Variants in PARN observed in about 807,000 individuals in gnomAD.
PARN encodes the protein poly(A)-specific ribonuclease, also known as poly(A)-specific ribonuclease PARN.
A neutral mutation model predicts 102.8 loss-of-function variants in PARN; 71 were observed. The ratio of observed to expected loss-of-function variants is 0.69; its 90% CI spans 0.57 to 0.84. The LOEUF (loss-of-function observed/expected upper bound fraction) is 0.84, where lower values mean the gene tolerates loss of function less well. Among genes scored for constraint, PARN ranks in the 40% least tolerant of loss-of-function variants. The probability of loss-of-function intolerance (pLI) is 0.00; values close to 1 mark genes in which losing one functional copy is unlikely to be tolerated. For synonymous variants in PARN, 261 were observed against 252.9 expected, an observed-to-expected ratio of 1.03 and a Z score of -0.30; for missense variants, 782 against 760.9, an observed-to-expected ratio of 1.03 and a Z score of -0.33.
rs12448614 is a variant in PARN, at chr16:14,531,899, T to C, written c.1480+20122A>G. On this transcript the variant is annotated intron_variant, in intron 21 of 23. Coordinates refer to ENST00000437198, the MANE Select transcript of PARN (RefSeq NM_002582.4). Reference sequence around the variant, plus strand: ...CCAAGATAGCAAGATCCCATTTCTTTAAAAAAAAAAAAAAAAAGGCAGGCA... The same window carrying C: ...CCAAGATAGCAAGATCCCATTTCTTCAAAAAAAAAAAAAAAAAGGCAGGCA... 7.8e-3 allele frequency among the ~76,000 whole-genome samples: 850 copies of C among 108,932 alleles called. 8 individuals carry two copies. The highest frequency in any genetic ancestry group is 7.3e-3 in the Non-Finnish European group (339 of 46,722). The allele number at this position is 108,932 out of a possible 152,430, so 71.5% of individuals were successfully genotyped here.
At chr16:14,531,897 TTTA>T in intron 21 of PARN, among the ~76,000 whole-genome samples, 1 of 102,586 alleles carries the variant, frequency 9.7e-6, no homozygotes, top group Non-Finnish European at 2.5e-5. Flanking sequence ...ATCCCATTTC[TTTA>T]AAAAAAAAAA....
intron 23 of PARN, among the ~76,000 whole-genome samples, chr16:14,445,194 C>T (rs1178058507): frequency 1.3e-5 from 2 of 151,950 alleles, no homozygotes; most frequent in African/African-American, 4.8e-5. Context: ...AGTCAAGAGA[C>T]AGCTAAAACA....
At chr16:14,580,384 T>C (rs1046516371) in intron 18 of PARN, among the ~76,000 whole-genome samples, 1 of 151,944 alleles carries the variant, frequency 6.6e-6, no homozygotes, top group African/African-American at 2.4e-5. Context: ...GCCACCTGGG[T>C]TGAAGCAATT....
At position 14,477,476 on chromosome 16, in the gene PARN, G is replaced by A. The variant is rs540028852; in HGVS notation, c.1670+5162C>T. On this transcript the variant is annotated intron_variant, in intron 22 of 23. Transcript: ENST00000437198. ...AAACATAACCCTGATACCAAAACTC[G>A]ACAAAGACTGAAAATTACAGGCTGG... 2.0e-5 allele frequency among the ~76,000 whole-genome samples: 3 copies of A among 148,206 alleles called. No homozygotes were observed. In the South Asian group the frequency reaches 6.4e-4, roughly 32 times the overall value.
intron 21 of PARN, among the ~76,000 whole-genome samples, chr16:14,510,968 A>G (rs1411610343): frequency 6.6e-6 from 1 of 152,210 alleles, no homozygotes; most frequent in African/African-American, 2.4e-5. Flanking sequence ...AATATTCACC[A>G]ATGTCAAAAG....
At chr16:14,577,159 A>G (rs1336525390) in intron 18 of PARN, among the ~76,000 whole-genome samples, 2 of 152,226 alleles carry the variant, frequency 1.3e-5, no homozygotes, top group Admixed American at 1.3e-4. Context: ...ATGTTTGGTA[A>G]AGGTTACATT....
At chr16:14,456,572 C>T (rs924122585) in intron 22 of PARN, among the ~76,000 whole-genome samples, 37 of 152,150 alleles carry the variant, frequency 2.4e-4, no homozygotes, top group African/African-American at 8.9e-4. Context: ...TAAAGAGCTG[C>T]TGTTTGCAAC....
Position 14,630,239 on chromosome 16 carries a change from G to A in PARN, c.-114C>T, listed in dbSNP as rs886187580. Reference sequence around the variant, plus strand: ...TAGCTGAGGCAGCCGCAGCGGTGACGCCGGCCGCGACTTCCGGAAACAGCG... The same window carrying A: ...TAGCTGAGGCAGCCGCAGCGGTGACACCGGCCGCGACTTCCGGAAACAGCG... On this transcript the variant is annotated 5_prime_UTR_variant, in exon 1 of 24. Transcript: ENST00000437198. 4.3e-6 allele frequency: 4 copies of A among 931,710 alleles called. No homozygotes were observed. The highest frequency in any genetic ancestry group is 2.9e-5 in the East Asian group (1 of 34,710). The allele number at this position is 931,710 out of a possible 1,614,324, so 57.7% of individuals were successfully genotyped here. A position where few individuals can be genotyped will look rare whatever the true frequency, so the allele number is the denominator to read the frequency against.
intron 18 of PARN, among the ~76,000 whole-genome samples, chr16:14,569,028 A>G (rs1013852917): frequency 4.6e-5 from 7 of 152,008 alleles, no homozygotes; most frequent in African/African-American, 1.4e-4. Flanking sequence ...CCTGGCCAAC[A>G]TGGTTAAACC....
chr16:14,485,939 C>T (rs1046685508), intron 21 of PARN, among the ~76,000 whole-genome samples: 14 of 152,322 alleles, frequency 9.2e-5, no homozygotes, highest in African/African-American at 1.4e-4. Context: ...TCGCCTGCCT[C>T]GGCCTCTCAA....
intron 21 of PARN, among the ~76,000 whole-genome samples, chr16:14,537,958 C>T (rs1596610571): frequency 6.6e-6 from 1 of 152,012 alleles, no homozygotes. Context: ...GTTCACAACA[C>T]AAAACTATAA....
At chr16:14,573,402 T>C (rs1316034174) in intron 18 of PARN, among the ~76,000 whole-genome samples, 1 of 152,138 alleles carries the variant, frequency 6.6e-6, no homozygotes, top group African/African-American at 2.4e-5. Context: ...GTATAACATA[T>C]CTCTTGAATT....
At chr16:14,576,686 T>A (rs560124678) in intron 18 of PARN, among the ~76,000 whole-genome samples, 1 of 152,196 alleles carries the variant, frequency 6.6e-6, no homozygotes, top group Non-Finnish European at 1.5e-5. Context: ...CAGCCTCCAA[T>A]ATAAACAGAG....
intron 18 of PARN, among the ~76,000 whole-genome samples, chr16:14,574,771 T>C (rs1441001409): frequency 1.3e-5 from 2 of 151,926 alleles, no homozygotes; most frequent in African/African-American, 2.4e-5. Flanking sequence ...CTGCAGAAAT[T>C]TGCGTAAGTA....
At chr16:14,526,954 T>C (rs1195650688) in intron 21 of PARN, among the ~76,000 whole-genome samples, 1 of 152,164 alleles carries the variant, frequency 6.6e-6, no homozygotes, top group Non-Finnish European at 1.5e-5. Flanking sequence ...GAAATCCTCT[T>C]CCTAATGGCT....
intron 22 of PARN, among the ~76,000 whole-genome samples, chr16:14,467,533 C>T (rs573182254): frequency 2.0e-5 from 3 of 152,298 alleles, no homozygotes; most frequent in East Asian, 1.9e-4. Flanking sequence ...TTCTCTTTAT[C>T]AAATAGATGA....
At chr16:14,621,827 T>C (rs1036984778) in intron 5 of PARN, among the ~76,000 whole-genome samples, 1 of 150,946 alleles carries the variant, frequency 6.6e-6, no homozygotes, top group Non-Finnish European at 1.5e-5. Flanking sequence ...AAAAAAACCT[T>C]TGAACTAACA....
chr16:14,469,224 G>A (rs1962567488), intron 22 of PARN, among the ~76,000 whole-genome samples: 1 of 152,162 alleles, frequency 6.6e-6, no homozygotes, highest in Non-Finnish European at 1.5e-5. Flanking sequence ...TTGAACCCGG[G>A]AGGCGGAGGT....
chr16:14,465,091 G>C (rs117663400), intron 22 of PARN, among the ~76,000 whole-genome samples: 2,440 of 152,184 alleles, frequency 0.016, 30 homozygotes, highest in Non-Finnish European at 0.023. Flanking sequence ...AATGAGATAG[G>C]ATCTTGCTCT....
Sources: gnomAD v4.1 joint callset for allele counts (sites outside exome capture counted in the v4.1 genomes callset) on GRCh38, gnomAD v4.1.1 for gene constraint, MANE v1.5 for transcripts, NCBI Gene and HGNC (gene_info 2026-07-23, HGNC 2026-07-21) for gene names.